DOCK4: variants seen among roughly 807,000 people sequenced by gnomAD.
DOCK4 encodes dedicator of cytokinesis 4.
DOCK4 carries 97 observed loss-of-function variants against 268.1 expected under a neutral mutation model. The observed-to-expected ratio is 0.36, with a 90% CI of 0.31 to 0.43. DOCK4 has a LOEUF of 0.43. Ranked by LOEUF, DOCK4 falls within the 20% of genes least tolerant of loss-of-function variation. The pLI is 1.00. For synonymous variants in DOCK4, 954 were observed against 887.2 expected (o/e 1.08, Z -1.34); for missense variants, 2,145 against 2,455.7 (o/e 0.87, Z 2.67).
chr7:112,025,611 CAT>C (rs1369524339), intron 1 of DOCK4, among the ~76,000 whole-genome samples: 1 of 151,094 alleles, frequency 6.6e-6, no homozygotes, highest in Non-Finnish European at 1.5e-5. Flanking sequence ...CGAAGTCAAT[CAT>C]ATCCCTCTCA....
At chr7:112,184,212 T>C (rs1317040550) in intron 1 of DOCK4, among the ~76,000 whole-genome samples, 1 of 152,212 alleles carries the variant, frequency 6.6e-6, no homozygotes, top group East Asian at 1.9e-4. Flanking sequence ...CACTCCAACG[T>C]AGACCTAGTA....
intron 1 of DOCK4, among the ~76,000 whole-genome samples, chr7:112,094,089 T>C (rs1443720208): frequency 6.6e-6 from 1 of 152,106 alleles, no homozygotes; most frequent in African/African-American, 2.4e-5. Context: ...TCAATAGGTT[T>C]TTTTCCAAAG....
Position 112,183,795 on chromosome 7 carries a change from T to A in DOCK4, c.37+22307A>T, listed in dbSNP as rs147550317. 4.4e-3 allele frequency among the ~76,000 whole-genome samples: 666 copies of A among 152,308 alleles called. 6 individuals are homozygous for A. The highest frequency in any genetic ancestry group is 0.015 in the African/African-American group (604 of 41,558). On this transcript the variant is annotated intron_variant, in intron 1 of 52. Coordinates refer to ENST00000428084, the MANE Select transcript of DOCK4 (RefSeq NM_001363540.2). ...TAGCAGTATTTCGATAGTGGTAACATTTATGGGAGTAATCCATGTGCGGTT... is the reference window on the plus strand; with the variant it reads ...TAGCAGTATTTCGATAGTGGTAACAATTATGGGAGTAATCCATGTGCGGTT...
At chr7:111,919,874 T>A (rs927133924) in intron 12 of DOCK4, among the ~76,000 whole-genome samples, 1 of 152,150 alleles carries the variant, frequency 6.6e-6, no homozygotes, top group African/African-American at 2.4e-5. Flanking sequence ...CAAAGAGCCA[T>A]TGCAATTCCA....
intron 1 of DOCK4, among the ~76,000 whole-genome samples, chr7:112,100,632 G>C (rs938718842): frequency 6.6e-6 from 1 of 152,174 alleles, no homozygotes; most frequent in Non-Finnish European, 1.5e-5. Flanking sequence ...CAACATCCAA[G>C]ATTGCATATA....
chr7:111,927,435 A>G (rs1464757573), intron 12 of DOCK4, among the ~76,000 whole-genome samples: 1 of 152,232 alleles, frequency 6.6e-6, no homozygotes, highest in African/African-American at 2.4e-5. Context: ...TCTTAACTAC[A>G]AAAGAAATCT....
At chr7:111,973,967 CT>C (rs888304937) in intron 8 of DOCK4, among the ~76,000 whole-genome samples, 1 of 152,054 alleles carries the variant, frequency 6.6e-6, no homozygotes, top group African/African-American at 2.4e-5. Context: ...ATTCACAGTA[CT>C]TTTTTCTGAG....
intron 46 of DOCK4, 97 bp from the exon 47 acceptor site, chr7:111,741,311 TCC>T: frequency 6.6e-7 from 1 of 1,512,626 alleles, no homozygotes. Context: ...GAAAATACAT[TCC>T]GTTTTGTTTT....
At chr7:112,141,446 A>G (rs373709838) in intron 1 of DOCK4, among the ~76,000 whole-genome samples, 1 of 152,196 alleles carries the variant, frequency 6.6e-6, no homozygotes, top group African/African-American at 2.4e-5. Context: ...TTTAAGTAAA[A>G]GCAAAATTAT....
chr7:112,123,703 T>C (rs1302026424), intron 1 of DOCK4, among the ~76,000 whole-genome samples: 2 of 152,238 alleles, frequency 1.3e-5, no homozygotes, highest in African/African-American at 2.4e-5. Context: ...TGGCAACTTG[T>C]ATATTCCAGA....
chr7:112,092,712 C>G (rs1467785965), intron 1 of DOCK4, among the ~76,000 whole-genome samples: 1 of 152,204 alleles, frequency 6.6e-6, no homozygotes, highest in African/African-American at 2.4e-5. Context: ...CATTAAACTT[C>G]TCTTCCTTTT....
chr7:111,832,312 C>T (rs1406418906), intron 26 of DOCK4, among the ~76,000 whole-genome samples: 2 of 152,206 alleles, frequency 1.3e-5, no homozygotes, highest in Non-Finnish European at 2.9e-5. Context: ...CCACACGCTC[C>T]ATAGCATCGC....
chr7:112,063,552 T>C (rs1380951884), intron 1 of DOCK4, among the ~76,000 whole-genome samples: 2 of 152,200 alleles, frequency 1.3e-5, no homozygotes, highest in Non-Finnish European at 2.9e-5. Flanking sequence ...GTACCACATA[T>C]CACTAACCCA....
Position 111,728,068 on chromosome 7 carries a change from A to C in DOCK4, c.*206T>G. On this transcript the variant is annotated 3_prime_UTR_variant, in exon 53 of 53. Coordinates refer to ENST00000428084, the MANE Select transcript of DOCK4 (RefSeq NM_001363540.2). ...TTCCAAATGAGAAACGTTTTAATGA[A>C]ATTCAGCCATACTTCATTTAACATC... 1 of 416,504 alleles carries C rather than the reference A, an allele frequency of 2.4e-6. No homozygotes were observed. The highest frequency in any genetic ancestry group is 4.1e-6 in the Non-Finnish European group (1 of 241,798). 25.8% of individuals were successfully genotyped at this position (416,504 alleles called of 1,614,324 possible). A position where few individuals can be genotyped will look rare whatever the true frequency, so the allele number is the denominator to read the frequency against.
At chr7:112,008,563 G>T (rs1025637380) in intron 1 of DOCK4, among the ~76,000 whole-genome samples, 2 of 152,028 alleles carry the variant, frequency 1.3e-5, no homozygotes, top group Admixed American at 1.3e-4. Context: ...AGTGAAATGG[G>T]GACTCATTCC....
At chr7:112,006,090 A>G (rs1199802880) in intron 1 of DOCK4, among the ~76,000 whole-genome samples, 1 of 152,170 alleles carries the variant, frequency 6.6e-6, no homozygotes, top group African/African-American at 2.4e-5. Context: ...TTCATTCTCC[A>G]GACACTCAAG....
At chr7:111,910,124 C>T (rs898138029) in intron 13 of DOCK4, among the ~76,000 whole-genome samples, 1 of 152,104 alleles carries the variant, frequency 6.6e-6, no homozygotes, top group African/African-American at 2.4e-5. Flanking sequence ...AAATAGGGTA[C>T]AGGCATGAAA....
At chr7:112,131,716 G>T in intron 1 of DOCK4, among the ~76,000 whole-genome samples, 1 of 150,346 alleles carries the variant, frequency 6.7e-6, no homozygotes, top group East Asian at 1.9e-4. Context: ...ATGAGAAAGA[G>T]AAAAAAAAAT....
At chr7:111,828,494 T>C (rs773863373) in intron 26 of DOCK4, among the ~76,000 whole-genome samples, 7 of 152,148 alleles carry the variant, frequency 4.6e-5, no homozygotes, top group Non-Finnish European at 1.0e-4. Context: ...TAAGACAAAC[T>C]TTACCTTTCT....
Sources: gnomAD v4.1 joint callset for allele counts (sites outside exome capture counted in the v4.1 genomes callset) on GRCh38, gnomAD v4.1.1 for gene constraint, MANE v1.5 for transcripts, NCBI Gene and HGNC (gene_info 2026-07-23, HGNC 2026-07-21) for gene names.